The following CUEDC1 variants were observed in gnomAD, a reference collection of about 807,000 sequenced individuals.
The protein encoded by CUEDC1 is CUE domain containing 1.
Under a neutral mutation model 43.7 loss-of-function variants are expected in CUEDC1, and 30 were observed. The observed-to-expected ratio is 0.69, with a 90% CI of 0.51 to 0.93. The LOEUF is 0.93. CUEDC1 is among the 40% of genes least tolerant of loss of function. The probability of loss-of-function intolerance (pLI) is 0.00; values close to 1 mark genes in which losing one functional copy is unlikely to be tolerated. For missense variants in CUEDC1, 486 were observed against 549.0 expected, an observed-to-expected ratio of 0.89 and a Z score of 1.15; for synonymous variants, 223 against 223.6, an observed-to-expected ratio of 1.00 and a Z score of 0.02.
intron 1 of CUEDC1, among the ~76,000 whole-genome samples, chr17:57,917,466 C>G (rs2074654408): frequency 2.0e-5 from 3 of 152,238 alleles, no homozygotes; most frequent in Admixed American, 2.0e-4. Context: ...CAGGCCTTCA[C>G]TCCACGGAGT....
intron 1 of CUEDC1, among the ~76,000 whole-genome samples, chr17:57,898,731 G>C (rs924481515): frequency 3.3e-5 from 5 of 152,148 alleles, no homozygotes; most frequent in Non-Finnish European, 7.4e-5. Context: ...GCCCTGAAGG[G>C]AGTGAATGTG....
At position 57,863,284 on chromosome 17, in the gene CUEDC1, A is replaced by T. The variant is rs2073907752; in HGVS notation, c.*5T>A. The T allele has an allele frequency of 6.6e-6, 1 of 152,646 alleles. No homozygotes were observed. The highest frequency in any genetic ancestry group is 2.1e-4 in the South Asian group (1 of 4,832). The allele number at this position is 152,646 out of a possible 1,614,324, so 9.5% of individuals were successfully genotyped here. A position where few individuals can be genotyped will look rare whatever the true frequency, so the allele number is the denominator to read the frequency against. On this transcript the variant is annotated splice_region_variant and 3_prime_UTR_variant, in exon 11 of 11. Transcript: ENST00000577830. The stretch of plus-strand genomic sequence containing the variant: ...TCTCTGGCAAGGAAGAGCTGCTGGC[A>T]TCTGGTAGGGGAAAAAAGGGATGGG...
At position 57,950,044 on chromosome 17, in the gene CUEDC1, G is replaced by A. The variant is rs573286078; in HGVS notation, c.-316+5181C>T. 5.9e-5 allele frequency among the ~76,000 whole-genome samples: 9 copies of A among 152,226 alleles called. No individual in the cohort carries two copies. In the South Asian group the frequency reaches 1.7e-3, roughly 28 times the overall value. The stretch of plus-strand genomic sequence containing the variant: ...CTCATAGGTCCTGTGAAGATTCAAC[G>A]AGCTAATCCATGTGAAGTACTTGGA... On this transcript the variant is annotated intron_variant, in intron 1 of 10. Coordinates refer to ENST00000577830, the MANE Select transcript of CUEDC1 (RefSeq NM_001271875.2).
chr17:57,902,165 T>C (rs1712013859), intron 1 of CUEDC1, among the ~76,000 whole-genome samples: 1 of 149,144 alleles, frequency 6.7e-6, no homozygotes. Context: ...CACTCCAGCC[T>C]GGAAGACAAG....
chr17:57,929,479 A>G (rs1424806297), intron 1 of CUEDC1, among the ~76,000 whole-genome samples: 1 of 152,168 alleles, frequency 6.6e-6, no homozygotes, highest in Non-Finnish European at 1.5e-5. Context: ...GTAGAGAAAA[A>G]GAAAGGAAGG....
chr17:57,950,032 T>G (rs2074991330), intron 1 of CUEDC1, among the ~76,000 whole-genome samples: 1 of 152,220 alleles, frequency 6.6e-6, no homozygotes, highest in Non-Finnish European at 1.5e-5. Context: ...ATAGGTCCTG[T>G]GAAGATTCAA....
chr17:57,932,631 G>A (rs1162043235), intron 1 of CUEDC1, among the ~76,000 whole-genome samples: 1 of 145,636 alleles, frequency 6.9e-6, no homozygotes, highest in Admixed American at 7.0e-5. Flanking sequence ...GAGGGCCAAG[G>A]TGGTTGGATC....
Position 57,899,599 on chromosome 17 carries a change from C to A in CUEDC1, c.-315-13720G>T, listed in dbSNP as rs73314247. On this transcript the variant is annotated intron_variant, in intron 1 of 10. Transcript: ENST00000577830. ...GCAGCACATGCCAGCACACAGCTCA[C>A]ATGCCTGCATGTGCTAACAGGCTCC... Among the ~76,000 whole-genome samples the A allele has an allele frequency of 6.3e-3, 960 of 152,300 alleles. 8 individuals are homozygous for A. The highest frequency in any genetic ancestry group is 0.022 in the African/African-American group (919 of 41,560).
chr17:57,937,845 T>C (rs2074876669), intron 1 of CUEDC1, among the ~76,000 whole-genome samples: 1 of 152,108 alleles, frequency 6.6e-6, no homozygotes, highest in Non-Finnish European at 1.5e-5. Context: ...GGATCCAGGC[T>C]GCAGTGAGCT....
chr17:57,885,213 C>A lies in CUEDC1; in HGVS notation c.336+16G>T. The A allele has an allele frequency of 6.5e-7, 1 of 1,541,616 alleles. No individual in the cohort carries two copies. The highest frequency in any genetic ancestry group is 1.3e-5 in the South Asian group (1 of 79,682). ...TCCTCCAGTGGTGGTTGGAATTACCCGGGCTGCGCCCCTACCTCCGGGGGG... is the reference window on the plus strand; with the variant it reads ...TCCTCCAGTGGTGGTTGGAATTACCAGGGCTGCGCCCCTACCTCCGGGGGG... On this transcript the variant is annotated intron_variant, in intron 2 of 10. Coordinates refer to ENST00000577830, the MANE Select transcript of CUEDC1 (RefSeq NM_001271875.2).
At chr17:57,923,382 T>C (rs974303894) in intron 1 of CUEDC1, among the ~76,000 whole-genome samples, 1 of 152,224 alleles carries the variant, frequency 6.6e-6, no homozygotes, top group Non-Finnish European at 1.5e-5. Flanking sequence ...GTTGGCTTTT[T>C]GGGTTCTACC....
chr17:57,916,779 CACTT>C (rs2074646696), intron 1 of CUEDC1, among the ~76,000 whole-genome samples: 1 of 152,190 alleles, frequency 6.6e-6, no homozygotes, highest in South Asian at 2.1e-4. Context: ...CCACAGTGAG[CACTT>C]ACTTTACAAA....
intron 1 of CUEDC1, among the ~76,000 whole-genome samples, chr17:57,897,752 C>T (rs8078732): frequency 0.15 from 23,331 of 151,842 alleles, 2,127 homozygotes; most frequent in African/African-American, 0.24. Flanking sequence ...CGGTAGCTCA[C>T]GCCTGTAATC....
intron 1 of CUEDC1, among the ~76,000 whole-genome samples, chr17:57,938,960 CTTTTTTT>C (rs55687937): frequency 1.2e-5 from 1 of 82,662 alleles, no homozygotes; most frequent in African/African-American, 4.3e-5. Context: ...CGTGCCCAGC[CTTTTTTT>C]TTTTTTTTTT....
intron 1 of CUEDC1, among the ~76,000 whole-genome samples, chr17:57,906,973 CAA>C (rs71143215): frequency 0.013 from 1,044 of 80,800 alleles, 10 homozygotes; most frequent in African/African-American, 0.039. Flanking sequence ...CTCTGCCTCA[CAA>C]AAAAAAAAAA....
intron 1 of CUEDC1, among the ~76,000 whole-genome samples, chr17:57,918,447 C>T (rs998027432): frequency 6.6e-6 from 1 of 152,192 alleles, no homozygotes; most frequent in Non-Finnish European, 1.5e-5. Flanking sequence ...AAAGAGACAA[C>T]GGAAGAATGC....
At position 57,905,745 on chromosome 17, in the gene CUEDC1, A is replaced by G. The variant is rs190741686; in HGVS notation, c.-315-19866T>C. Among the ~76,000 whole-genome samples the G allele has an allele frequency of 2.5e-4, 38 of 152,302 alleles. 1 individual carries two copies. Among genetic ancestry groups the G allele is most frequent in the African/African-American group, 8.7e-4 (36 of 41,560 alleles). On this transcript the variant is annotated intron_variant, in intron 1 of 10. Coordinates refer to ENST00000577830, the MANE Select transcript of CUEDC1 (RefSeq NM_001271875.2). ...GGCCAGGCCATGTGTACACCGTACCATTTTTGTTCAAATGTCTGGATGTCC... is the reference window on the plus strand; with the variant it reads ...GGCCAGGCCATGTGTACACCGTACCGTTTTTGTTCAAATGTCTGGATGTCC...
intron 1 of CUEDC1, among the ~76,000 whole-genome samples, chr17:57,936,624 A>G (rs980787444): frequency 1.1e-4 from 16 of 152,112 alleles, no homozygotes; most frequent in African/African-American, 3.9e-4. Flanking sequence ...CTGTTTCCAC[A>G]GAGCATGGCA....
intron 1 of CUEDC1, among the ~76,000 whole-genome samples, chr17:57,905,290 A>ACACACT (rs1007711626): frequency 4.8e-5 from 7 of 145,582 alleles, no homozygotes; most frequent in Admixed American, 4.1e-4. Flanking sequence ...ACACACACAC[A>ACACACT]CTCCAGCCTG....
Sources: allele counts gnomAD v4.1 joint callset (sites outside exome capture counted in the v4.1 genomes callset), GRCh38; gene constraint gnomAD v4.1.1; transcripts MANE v1.5; gene names NCBI Gene and HGNC (gene_info 2026-07-23, HGNC 2026-07-21).